Variants in RBMS1 observed in about 807,000 individuals in gnomAD.
RBMS1 encodes the protein RNA binding motif single stranded interacting protein 1.
In RBMS1, 17 loss-of-function variants were observed where a neutral mutation model predicts 62.3. That is an observed-to-expected ratio of 0.27 (90% CI 0.19 to 0.41). The LOEUF is 0.41. Among genes scored for constraint, RBMS1 ranks in the 10% least tolerant of loss-of-function variants. RBMS1 has a pLI of 1.00. For synonymous variants in RBMS1, 172 were observed against 170.0 expected, an observed-to-expected ratio of 1.01 and a Z score of -0.09; for missense variants, 334 against 504.5, an observed-to-expected ratio of 0.66 and a Z score of 3.24.
intron 2 of RBMS1, among the ~76,000 whole-genome samples, chr2:160,324,241 G>A (rs749472082): frequency 6.0e-5 from 9 of 151,220 alleles, no homozygotes; most frequent in South Asian, 2.2e-4. Context: ...ATGTGTGTGC[G>A]TGCAAGCATG....
intron 1 of RBMS1, among the ~76,000 whole-genome samples, chr2:160,448,979 G>A (rs887838812): frequency 1.3e-5 from 2 of 151,762 alleles, no homozygotes; most frequent in East Asian, 1.9e-4. Context: ...GTCTCTGCCC[G>A]ACCGCCACCC....
At chr2:160,426,524 C>G (rs1031758697) in intron 1 of RBMS1, among the ~76,000 whole-genome samples, 5 of 152,092 alleles carry the variant, frequency 3.3e-5, no homozygotes, top group African/African-American at 9.7e-5. Context: ...TTTAGTGTCT[C>G]TGAAAGAAAC....
chr2:160,320,242 CG>C (rs1690480536), intron 2 of RBMS1, among the ~76,000 whole-genome samples: 1 of 152,134 alleles, frequency 6.6e-6, no homozygotes, highest in African/African-American at 2.4e-5. Context: ...CCAAAGCCGG[CG>C]GATGGCTTGA....
At chr2:160,409,387 G>A (rs1000721612) in intron 1 of RBMS1, among the ~76,000 whole-genome samples, 1 of 151,932 alleles carries the variant, frequency 6.6e-6, no homozygotes, top group Non-Finnish European at 1.5e-5. Context: ...GTCCTTTAAA[G>A]TGATTAAGTA....
chr2:160,475,564 G>A (rs1308943324), intron 1 of RBMS1, among the ~76,000 whole-genome samples: 4 of 152,248 alleles, frequency 2.6e-5, no homozygotes, highest in East Asian at 1.9e-4. Flanking sequence ...AGAAAATGTC[G>A]TTGTCTCTTT....
chr2:160,345,010 T>A (rs1007703693), intron 2 of RBMS1, among the ~76,000 whole-genome samples: 10 of 152,152 alleles, frequency 6.6e-5, no homozygotes, highest in Non-Finnish European at 1.5e-4. Context: ...CCTCTATGTA[T>A]CTCCTACAAA....
At chr2:160,358,146 C>G (rs1009320009) in intron 2 of RBMS1, among the ~76,000 whole-genome samples, 14 of 152,122 alleles carry the variant, frequency 9.2e-5, no homozygotes, top group African/African-American at 3.4e-4. Flanking sequence ...CTCTTAAGCT[C>G]TCAACTCTGC....
chr2:160,317,264 C>T (rs1690277124), intron 3 of RBMS1, among the ~76,000 whole-genome samples: 1 of 152,148 alleles, frequency 6.6e-6, no homozygotes, highest in African/African-American at 2.4e-5. Flanking sequence ...ATGTTCTCTG[C>T]CTTTTTCAGA....
intron 1 of RBMS1, among the ~76,000 whole-genome samples, chr2:160,457,771 C>A (rs577177319): frequency 6.6e-6 from 1 of 151,876 alleles, no homozygotes; most frequent in African/African-American, 2.4e-5. Flanking sequence ...TATGCACTAA[C>A]AGGTGCCAGC....
intron 2 of RBMS1, among the ~76,000 whole-genome samples, chr2:160,350,122 G>A (rs1692415364): frequency 6.6e-6 from 1 of 152,004 alleles, no homozygotes; most frequent in Admixed American, 6.6e-5. Context: ...GAGAAGTTAT[G>A]GGGAGAGGAG....
chr2:160,379,356 T>C (rs1694163734), intron 1 of RBMS1, among the ~76,000 whole-genome samples: 1 of 152,244 alleles, frequency 6.6e-6, no homozygotes, highest in African/African-American at 2.4e-5. Flanking sequence ...GAAATTTCTA[T>C]TTAATGATAC....
intron 1 of RBMS1, among the ~76,000 whole-genome samples, chr2:160,439,056 G>A (rs1218675656): frequency 5.3e-5 from 8 of 150,934 alleles, no homozygotes; most frequent in South Asian, 2.1e-4. Flanking sequence ...GCAGCTGGCC[G>A]AGCAGAGGGG....
chr2:160,312,639 T>C lies in RBMS1; in HGVS notation c.402+517A>G, dbSNP rs145073319. Among the ~76,000 whole-genome samples the C allele has an allele frequency of 1.3e-3, 205 of 152,306 alleles. 1 individual carries two copies. Among genetic ancestry groups the C allele is most frequent in the Non-Finnish European group, 2.2e-3 (148 of 68,012 alleles). ...ATCAATACCTAAAAATGTCTCACTA[T>C]TGCACAGTAAAAATAGCATCTGTAG... On this transcript the variant is annotated intron_variant, in intron 4 of 13. Transcript: ENST00000348849.
chr2:160,306,946 A>T (rs1192219381), intron 4 of RBMS1, among the ~76,000 whole-genome samples: 2 of 152,158 alleles, frequency 1.3e-5, no homozygotes, highest in Admixed American at 1.3e-4. Context: ...ATTATAGGTG[A>T]CCAAACATAA....
At chr2:160,293,346 T>C (rs557720979) in intron 6 of RBMS1, among the ~76,000 whole-genome samples, 1 of 151,728 alleles carries the variant, frequency 6.6e-6, no homozygotes, top group Non-Finnish European at 1.5e-5. Flanking sequence ...GCAAGAGCGG[T>C]TTTCAAGCCC....
intron 1 of RBMS1, among the ~76,000 whole-genome samples, chr2:160,398,077 C>G (rs1695238826): frequency 6.6e-6 from 1 of 152,310 alleles, no homozygotes; most frequent in Middle Eastern, 3.4e-3. Context: ...CTCCGGTTCT[C>G]TAACTGCTTG....
At chr2:160,350,710 T>C (rs1430060469) in intron 2 of RBMS1, among the ~76,000 whole-genome samples, 1 of 152,144 alleles carries the variant, frequency 6.6e-6, no homozygotes, top group East Asian at 1.9e-4. Context: ...TGCATAGTAT[T>C]CCATGGTGTA....
At chr2:160,455,360 C>T (rs948830030) in intron 1 of RBMS1, among the ~76,000 whole-genome samples, 2 of 152,150 alleles carry the variant, frequency 1.3e-5, no homozygotes, top group Non-Finnish European at 2.9e-5. Flanking sequence ...AAGTAGATAC[C>T]ATGCAGTATC....
intron 1 of RBMS1, among the ~76,000 whole-genome samples, chr2:160,433,111 TAA>T (rs35458527): frequency 3.1e-4 from 45 of 146,858 alleles, no homozygotes; most frequent in Non-Finnish European, 2.6e-4. Flanking sequence ...ATACGAATAT[TAA>T]AAAAAAAAAA....
Sources: allele counts gnomAD v4.1 joint callset (sites outside exome capture counted in the v4.1 genomes callset), GRCh38; gene constraint gnomAD v4.1.1; transcripts MANE v1.5; gene names NCBI Gene and HGNC (gene_info 2026-07-23, HGNC 2026-07-21).